TTC27: variants seen among roughly 807,000 people sequenced by gnomAD.
The protein encoded by TTC27 is tetratricopeptide repeat domain 27, also known as tetratricopeptide repeat protein 27.
Under a neutral mutation model 115.9 loss-of-function variants are expected in TTC27, and 79 were observed. The observed-to-expected ratio is 0.68, with a 90% CI of 0.57 to 0.82. The LOEUF (loss-of-function observed/expected upper bound fraction) is 0.82, where lower values mean the gene tolerates loss of function less well. Among genes scored for constraint, TTC27 ranks in the 40% least tolerant of loss-of-function variants. TTC27 has a pLI of 0.00. For missense variants in TTC27, 1,054 were observed against 993.1 expected (o/e 1.06, Z -0.82); for synonymous variants, 401 against 356.0 (o/e 1.13, Z -1.42).
chr2:32,754,986 C>T (rs1380592254), intron 12 of TTC27, among the ~76,000 whole-genome samples: 5 of 148,608 alleles, frequency 3.4e-5, no homozygotes, highest in African/African-American at 1.0e-4. Context: ...TCAGACGGGG[C>T]GGCTGCCGGG....
chr2:32,633,979 T>C lies in TTC27; in HGVS notation c.370T>C (p.Ser124Pro), dbSNP rs556067697. 6 of 1,613,598 alleles carry C rather than the reference T, an allele frequency of 3.7e-6. No homozygotes were observed. In the African/African-American group the frequency reaches 8.0e-5, roughly 21 times the overall value. Residue 124 changes from serine to proline, a missense_variant, in exon 3 of 20, where the codon TCT becomes CCT. Transcript: ENST00000317907. ...CTTACACCCTCAGGACTTTTTGTCATCTGTTTTGTTCCAGCAATTCAGTGA... is the reference window on the plus strand; with the variant it reads ...CTTACACCCTCAGGACTTTTTGTCACCTGTTTTGTTCCAGCAATTCAGTGA... The part of the protein sequence containing the change: ...VDLHPQDFLS[S>P]VLFQQFSEVK...
chr2:32,695,939 A>C (rs1666971230), intron 9 of TTC27, among the ~76,000 whole-genome samples: 1 of 148,756 alleles, frequency 6.7e-6, no homozygotes, highest in South Asian at 2.1e-4. Flanking sequence ...AATATTATGA[A>C]AGTAAAAATA....
At chr2:32,735,024 C>T (rs762027) in intron 11 of TTC27, among the ~76,000 whole-genome samples, 120,766 of 152,100 alleles carry the variant, frequency 0.79, 48,170 homozygotes, top group Middle Eastern at 0.9. Context: ...GTTATTTTAA[C>T]CAGTTTTCTG....
chr2:32,752,851 C>T (rs923523234), intron 12 of TTC27, among the ~76,000 whole-genome samples: 9 of 152,170 alleles, frequency 5.9e-5, no homozygotes, highest in African/African-American at 2.2e-4. Context: ...TCAGTGCCCT[C>T]TTCTGCTCCT....
At chr2:32,765,792 G>GAAA in intron 13 of TTC27, among the ~76,000 whole-genome samples, 1 of 152,098 alleles carries the variant, frequency 6.6e-6, no homozygotes, top group Non-Finnish European at 1.5e-5. Flanking sequence ...TATGTTATGG[G>GAAA]GATGGCTTCT....
At chr2:32,714,438 G>A (rs913774494) in intron 10 of TTC27, among the ~76,000 whole-genome samples, 2 of 152,096 alleles carry the variant, frequency 1.3e-5, no homozygotes, top group Non-Finnish European at 2.9e-5. Flanking sequence ...GATTACAGGC[G>A]TGAGCCACTG....
intron 2 of TTC27, among the ~76,000 whole-genome samples, chr2:32,631,467 GTT>G (rs1370057109): frequency 3.3e-5 from 5 of 152,144 alleles, no homozygotes; most frequent in African/African-American, 1.2e-4. Flanking sequence ...TTCCATTAAA[GTT>G]TGTGTAATTT....
chr2:32,740,617 T>G (rs527732162), intron 12 of TTC27, among the ~76,000 whole-genome samples: 2 of 152,300 alleles, frequency 1.3e-5, no homozygotes, highest in Non-Finnish European at 2.9e-5. Flanking sequence ...CTGTTTCGAA[T>G]GAGTGGCTTA....
intron 13 of TTC27, among the ~76,000 whole-genome samples, chr2:32,761,676 G>A (rs186037526): frequency 5.9e-5 from 9 of 151,968 alleles, no homozygotes; most frequent in African/African-American, 1.9e-4. Flanking sequence ...AAGTCTGCTC[G>A]AAGGTCACTT....
intron 6 of TTC27, among the ~76,000 whole-genome samples, chr2:32,665,440 C>G (rs1665735021): frequency 6.6e-6 from 1 of 152,086 alleles, no homozygotes; most frequent in African/African-American, 2.4e-5. Context: ...TTTTTTGGGA[C>G]TATTGATGCC....
chr2:32,764,378 C>T (rs1669550230), intron 13 of TTC27, among the ~76,000 whole-genome samples: 1 of 151,716 alleles, frequency 6.6e-6, no homozygotes, highest in Non-Finnish European at 1.5e-5. Context: ...ATCAAGTGTG[C>T]AATACTATTA....
At chr2:32,686,989 C>T (rs1018204667) in intron 9 of TTC27, among the ~76,000 whole-genome samples, 1 of 152,092 alleles carries the variant, frequency 6.6e-6, no homozygotes, top group African/African-American at 2.4e-5. Flanking sequence ...GGATTACAGG[C>T]ATGCACCACT....
chr2:32,642,703 C>T (rs182612533), intron 4 of TTC27, among the ~76,000 whole-genome samples: 2 of 151,500 alleles, frequency 1.3e-5, no homozygotes, highest in African/African-American at 2.4e-5. Flanking sequence ...GCTCTGGCCC[C>T]GTTGCCCAGG....
chr2:32,809,071 AC>A (rs1671232061), intron 16 of TTC27, among the ~76,000 whole-genome samples: 1 of 152,242 alleles, frequency 6.6e-6, no homozygotes, highest in South Asian at 2.1e-4. Context: ...AGAAAAAAGC[AC>A]AACTGAATTT....
chr2:32,775,686 C>T (rs1453639864), intron 13 of TTC27, among the ~76,000 whole-genome samples: 1 of 151,756 alleles, frequency 6.6e-6, no homozygotes, highest in African/African-American at 2.4e-5. Context: ...AAGATGCCAT[C>T]GGTTGTAAGA....
rs183679570 is a variant in TTC27 at position 32,763,516 on chromosome 2, G to C, written c.1680+4997G>C. Reference sequence around the variant, plus strand: ...ATTGGTATAAGAGCAGTTGTATCTGGAAAGGGTTAGGGGGAAAAAGGCTAT... The same window carrying C: ...ATTGGTATAAGAGCAGTTGTATCTGCAAAGGGTTAGGGGGAAAAAGGCTAT... On this transcript the variant is annotated intron_variant, in intron 13 of 19. Transcript: ENST00000317907. Among the ~76,000 whole-genome samples the C allele has an allele frequency of 1.6e-3, 237 of 152,302 alleles. 5 individuals are homozygous for C. The highest frequency in any genetic ancestry group is 1.5e-4 in the Non-Finnish European group (10 of 68,022).
At chr2:32,819,693 A>T (rs1239477918) in intron 19 of TTC27, among the ~76,000 whole-genome samples, 3 of 151,646 alleles carry the variant, frequency 2.0e-5, no homozygotes, top group Non-Finnish European at 2.9e-5. Flanking sequence ...GGACAGAGTG[A>T]CTCCCCTGCC....
At chr2:32,648,659 G>A (rs1221011305) in intron 4 of TTC27, among the ~76,000 whole-genome samples, 2 of 151,724 alleles carry the variant, frequency 1.3e-5, no homozygotes, top group African/African-American at 2.4e-5. Context: ...AAGCATCAGC[G>A]AATAAAAGAA....
chr2:32,790,392 C>A (rs372942800), intron 16 of TTC27, among the ~76,000 whole-genome samples: 13 of 151,684 alleles, frequency 8.6e-5, no homozygotes, highest in Admixed American at 6.6e-4. Flanking sequence ...AGATATACTA[C>A]CTTTATCATT....
Sources: gnomAD v4.1 joint callset for allele counts (sites outside exome capture counted in the v4.1 genomes callset) on GRCh38, gnomAD v4.1.1 for gene constraint, MANE v1.5 for transcripts, NCBI Gene and HGNC (gene_info 2026-07-23, HGNC 2026-07-21) for gene names.